The following MSI2 variants were observed in gnomAD, a reference collection of about 807,000 sequenced individuals.
MSI2 encodes the protein RNA-binding protein Musashi homolog 2.
MSI2 carries 17 observed loss-of-function variants against 45.6 expected under a neutral mutation model. The observed-to-expected ratio is 0.37, with a 90% confidence interval of 0.26 to 0.56. The LOEUF is 0.56. Ranked by LOEUF, MSI2 falls within the 20% of genes least tolerant of loss-of-function variation. MSI2 has a pLI of 0.77. For missense variants in MSI2, 293 were observed against 444.2 expected, an observed-to-expected ratio of 0.66 and a Z score of 3.06; for synonymous variants, 156 against 158.2, an observed-to-expected ratio of 0.99 and a Z score of 0.11.
At chr17:57,494,601 C>T (rs539786338) in intron 6 of MSI2, among the ~76,000 whole-genome samples, 1 of 152,158 alleles carries the variant, frequency 6.6e-6, no homozygotes. Context: ...CTTTGAGCAC[C>T]GCTGTTGTGC....
chr17:57,642,799 G>C (rs1426720744), intron 10 of MSI2, among the ~76,000 whole-genome samples: 5 of 152,214 alleles, frequency 3.3e-5, no homozygotes, highest in Admixed American at 3.3e-4. Context: ...TGAGTTATCA[G>C]TTCTGCTGCA....
At chr17:57,632,746 G>GAGTC in intron 10 of MSI2, 1 of 1,065,910 alleles carries the variant, frequency 9.4e-7, no homozygotes, top group Non-Finnish European at 1.1e-6. Flanking sequence ...GGACCCTCAA[G>GAGTC]AGTCACTGCT....
At chr17:57,449,488 G>A (rs553964174) in intron 6 of MSI2, 3 of 152,156 alleles carry the variant, frequency 2.0e-5, no homozygotes, top group South Asian at 2.1e-4. Flanking sequence ...GTCTGTTAGC[G>A]GATGGTATTG....
chr17:57,514,658 T>G (rs1458533838), intron 6 of MSI2, among the ~76,000 whole-genome samples: 19 of 151,738 alleles, frequency 1.3e-4, no homozygotes, highest in African/African-American at 2.7e-4. Context: ...TACTTTTTTT[T>G]TTTTTTTTTT....
intron 10 of MSI2, among the ~76,000 whole-genome samples, chr17:57,647,215 G>A (rs528543382): frequency 1.4e-5 from 2 of 147,854 alleles, no homozygotes; most frequent in South Asian, 2.2e-4. Context: ...GATCACCTGA[G>A]GTCAGGAGTT....
chr17:57,487,513 G>A (rs561722184), intron 6 of MSI2, among the ~76,000 whole-genome samples: 1 of 152,184 alleles, frequency 6.6e-6, no homozygotes, highest in Non-Finnish European at 1.5e-5. Context: ...TTCAGCCTTG[G>A]CCTCCTCTGG....
At chr17:57,674,815 T>C in intron 11 of MSI2, 157 bp from the exon 12 acceptor site, 2 of 1,097,436 alleles carry the variant, frequency 1.8e-6, no homozygotes, top group South Asian at 3.1e-5. Flanking sequence ...TGGTTGAGTG[T>C]TAGAAGTTGG....
chr17:57,501,957 A>G (rs956654792), intron 6 of MSI2, among the ~76,000 whole-genome samples: 3 of 152,174 alleles, frequency 2.0e-5, no homozygotes, highest in African/African-American at 4.8e-5. Flanking sequence ...GCTAAGTTCA[A>G]GCTCTCAGAG....
intron 7 of MSI2, among the ~76,000 whole-genome samples, chr17:57,564,156 T>C (rs899362093): frequency 6.6e-6 from 1 of 152,202 alleles, no homozygotes; most frequent in Non-Finnish European, 1.5e-5. Flanking sequence ...GCCATGTGTT[T>C]GTGGATTTCT....
intron 5 of MSI2, among the ~76,000 whole-genome samples, chr17:57,287,773 G>GT (rs1332232640): frequency 6.6e-6 from 1 of 152,210 alleles, no homozygotes; most frequent in Non-Finnish European, 1.5e-5. Context: ...CAGGATGTCT[G>GT]TTTCGGCCGG....
At chr17:57,342,381 A>C (rs149309156) in intron 5 of MSI2, among the ~76,000 whole-genome samples, 8 of 152,166 alleles carry the variant, frequency 5.3e-5, no homozygotes, top group African/African-American at 1.7e-4. Context: ...CCAAATCTTC[A>C]TGTTGGTCTG....
rs57142800 is a variant in MSI2 at position 57,502,602 on chromosome 17, G to GATATATATATATATATATATATAT, written c.406-27062_406-27039dup. 5.3e-4 allele frequency among the ~76,000 whole-genome samples: 29 copies of GATATATATATATATATATATATAT among 54,402 alleles called. 1 individual carries two copies. The highest frequency in any genetic ancestry group is 8.0e-4 in the South Asian group (1 of 1,256). 35.7% of individuals were successfully genotyped at this position (54,402 alleles called of 152,430 possible). A position where few individuals can be genotyped will look rare whatever the true frequency, so the allele number is the denominator to read the frequency against. ...CAGGGAATGGAGAAGATGACTCTGA[G>GATATATATATATATATATATATAT]ATATATATATATATATATATATATA... On this transcript the variant is annotated intron_variant, in intron 6 of 13. Transcript: ENST00000284073.
intron 5 of MSI2, among the ~76,000 whole-genome samples, chr17:57,365,947 C>T (rs1479290005): frequency 6.6e-6 from 1 of 152,124 alleles, no homozygotes; most frequent in Non-Finnish European, 1.5e-5. Context: ...GAGTCTCGCT[C>T]TGTCACCCAG....
In MSI2 at chr17:57,257,224, C is replaced by A. The variant is rs543114377; in HGVS notation, c.103+86C>A. Reference sequence around the variant, plus strand: ...GTTATCCCGGTGTAGGAGCCCCCCCCCCCCCGCCATTGGCTCCCCACTTCT... The same window carrying A: ...GTTATCCCGGTGTAGGAGCCCCCCCACCCCCGCCATTGGCTCCCCACTTCT... On this transcript the variant is annotated intron_variant, in intron 2 of 13. Coordinates refer to ENST00000284073, the MANE Select transcript of MSI2 (RefSeq NM_138962.4). The A allele has an allele frequency of 1.7e-4, 92 of 533,446 alleles. 3 individuals are homozygous for A. In the East Asian group the frequency reaches 2.2e-3, roughly 13 times the overall value. 33.0% of individuals were successfully genotyped at this position (533,446 alleles called of 1,614,324 possible).
intron 7 of MSI2, among the ~76,000 whole-genome samples, chr17:57,549,954 C>G (rs556344523): frequency 3.9e-5 from 6 of 152,264 alleles, no homozygotes; most frequent in African/African-American, 7.2e-5. Flanking sequence ...AGACCCTGGA[C>G]AGGCATCCAA....
intron 10 of MSI2, among the ~76,000 whole-genome samples, chr17:57,646,626 GGACAGCCAGGGCTGAAGGCTGGGCTTT>G (rs1198556883): frequency 6.6e-6 from 1 of 152,178 alleles, no homozygotes; most frequent in Non-Finnish European, 1.5e-5. Context: ...AGCAAAGCAG[GGACAGCCAGGGCTGAAGGCTGGGCTTT>G]GAGGCCAAGG....
intron 6 of MSI2, among the ~76,000 whole-genome samples, chr17:57,411,597 A>G (rs2084198071): frequency 6.6e-6 from 1 of 152,190 alleles, no homozygotes; most frequent in Admixed American, 6.5e-5. Flanking sequence ...GTGGGGCCCA[A>G]GGTTCAAATC....
At chr17:57,370,717 G>A (rs1445614677) in intron 5 of MSI2, among the ~76,000 whole-genome samples, 1 of 152,156 alleles carries the variant, frequency 6.6e-6, no homozygotes, top group African/African-American at 2.4e-5. Flanking sequence ...TAACCTGACT[G>A]GGCCCAGGGA....
intron 5 of MSI2, among the ~76,000 whole-genome samples, chr17:57,321,998 T>C (rs1567756249): frequency 6.6e-6 from 1 of 152,146 alleles, no homozygotes; most frequent in Non-Finnish European, 1.5e-5. Context: ...GGTTTTCCCA[T>C]GTTGGCCAGG....
Sources: allele counts gnomAD v4.1 joint callset (sites outside exome capture counted in the v4.1 genomes callset), GRCh38; gene constraint gnomAD v4.1.1; transcripts MANE v1.5; gene names NCBI Gene and HGNC (gene_info 2026-07-23, HGNC 2026-07-21).